Variants in METAP1 observed in about 807,000 individuals in gnomAD.
METAP1 encodes methionyl aminopeptidase 1.
In METAP1, 28 loss-of-function variants were observed where a neutral mutation model predicts 53.8. That is an observed-to-expected ratio of 0.52 (90% confidence interval 0.39 to 0.71). METAP1 has a LOEUF of 0.71. Among genes scored for constraint, METAP1 ranks in the 30% least tolerant of loss-of-function variants. METAP1 has a pLI of 0.00. For synonymous variants in METAP1, 181 were observed against 165.7 expected (o/e 1.09, Z -0.71); for missense variants, 389 against 479.8 (o/e 0.81, Z 1.77).
chr4:99,014,986 A>G (rs1723674107), intron 1 of METAP1, among the ~76,000 whole-genome samples: 1 of 152,226 alleles, frequency 6.6e-6, no homozygotes, highest in Non-Finnish European at 1.5e-5. Context: ...ACTTCAGGAT[A>G]TAGCAGAGAG....
intron 6 of METAP1, among the ~76,000 whole-genome samples, chr4:99,041,546 G>A (rs866367066): frequency 6.6e-6 from 1 of 151,984 alleles, no homozygotes; most frequent in South Asian, 2.1e-4. Flanking sequence ...TTTGTAGTAA[G>A]TATAGGGATT....
intron 1 of METAP1, chr4:99,022,861 C>T: frequency 6.5e-7 from 1 of 1,546,064 alleles, no homozygotes; most frequent in Middle Eastern, 1.9e-4. Flanking sequence ...CCCACGGCTG[C>T]TGCTGCCTTC....
In METAP1 at chr4:99,031,559, ATGGGTT is replaced by A. The variant is rs1560714643; in HGVS notation, c.166+2642_166+2647del. ...ACTGGCTCCACCAAACTTTGTGACC[ATGGGTT>A]ATTCTAAGTCTCACCTCCAAGATGC... On this transcript the variant is annotated intron_variant, in intron 2 of 10. Transcript: ENST00000296411. 7 of 1,288,240 alleles carry A rather than the reference ATGGGTT, an allele frequency of 5.4e-6. No homozygotes were observed. In the African/African-American group the frequency reaches 1.1e-4, roughly 20 times the overall value. 79.8% of individuals were successfully genotyped at this position (1,288,240 alleles called of 1,614,324 possible).
At chr4:99,026,999 C>G (rs773270802) in intron 1 of METAP1, 14 of 352,076 alleles carry the variant, frequency 4.0e-5, no homozygotes, top group South Asian at 1.1e-4. Context: ...TATCAGCCCT[C>G]TTGTTAAAAA....
intron 5 of METAP1, among the ~76,000 whole-genome samples, chr4:99,040,006 C>T (rs976517268): frequency 3.3e-5 from 5 of 152,176 alleles, no homozygotes; most frequent in African/African-American, 9.7e-5. Context: ...GGATTACAGG[C>T]GTGAGCCATT....
chr4:99,055,056 T>C (rs1726996872), intron 9 of METAP1, among the ~76,000 whole-genome samples: 1 of 151,926 alleles, frequency 6.6e-6, no homozygotes, highest in Non-Finnish European at 1.5e-5. Flanking sequence ...TTAGACTTGC[T>C]CAGAGCAGGG....
intron 1 of METAP1, chr4:99,005,952 A>T (rs1215237964): frequency 1.3e-5 from 3 of 227,180 alleles, no homozygotes; most frequent in Non-Finnish European, 2.7e-5. Context: ...AGGGATAAGA[A>T]ACTACATATT....
At chr4:99,036,944 T>C (rs1725463803) in intron 4 of METAP1, among the ~76,000 whole-genome samples, 1 of 152,054 alleles carries the variant, frequency 6.6e-6, no homozygotes, top group African/African-American at 2.4e-5. Flanking sequence ...TAAAAATACA[T>C]GGATGTCTCT....
At chr4:99,040,941 G>A (rs1276137045) in intron 5 of METAP1, 102 bp from the exon 6 acceptor site, 1 of 480,392 alleles carries the variant, frequency 2.1e-6, no homozygotes, top group African/African-American at 2.0e-5. Context: ...AATATTCAAG[G>A]GGAGATTCAT....
chr4:99,014,902 A>G (rs1723669169), intron 1 of METAP1, among the ~76,000 whole-genome samples: 1 of 152,192 alleles, frequency 6.6e-6, no homozygotes, highest in African/African-American at 2.4e-5. Context: ...TCCTGCTGTG[A>G]GAGGCATGAG....
chr4:99,043,684 C>T (rs1367268503), intron 7 of METAP1, among the ~76,000 whole-genome samples: 3 of 151,954 alleles, frequency 2.0e-5, no homozygotes, highest in Admixed American at 1.3e-4. Context: ...TAGTTTTTTT[C>T]CCCCAGAAGT....
intron 1 of METAP1, among the ~76,000 whole-genome samples, chr4:98,998,239 T>G (rs1722731888): frequency 6.6e-6 from 1 of 152,336 alleles, no homozygotes; most frequent in African/African-American, 2.4e-5. Flanking sequence ...AAATATGGGC[T>G]TGGCTGGGCA....
chr4:99,032,749 G>GA (rs1204038158), intron 2 of METAP1, among the ~76,000 whole-genome samples: 1 of 152,150 alleles, frequency 6.6e-6, no homozygotes, highest in Non-Finnish European at 1.5e-5. Context: ...CTTCATAGCT[G>GA]AAGCAGGCTC....
chr4:99,040,979 TA>T (rs1427731174), intron 5 of METAP1, 63 bp from the exon 6 acceptor site: 2 of 1,074,538 alleles, frequency 1.9e-6, no homozygotes, highest in East Asian at 5.1e-5. Flanking sequence ...AGTCAAACAG[TA>T]GAAAGGGTAT....
chr4:99,017,336 G>A (rs2110297366), intron 1 of METAP1, among the ~76,000 whole-genome samples: 1 of 152,314 alleles, frequency 6.6e-6, no homozygotes, highest in Middle Eastern at 3.4e-3. Flanking sequence ...GATATTTAAG[G>A]GCCTGACTGA....
rs1235495410 is a variant in METAP1, at chr4:99,048,889, C to A, written c.931+13C>A. 1 of 1,611,668 alleles carries A rather than the reference C, an allele frequency of 6.2e-7. No individual in the cohort carries two copies. Among genetic ancestry groups the A allele is most frequent in the Non-Finnish European group, 8.5e-7 (1 of 1,178,934 alleles). Reference sequence around the variant, plus strand: ...CCCCACTATGCTAGTAAGTACTATCCAGAGATTTGGTATAAGCTCACCATT... The same window carrying A: ...CCCCACTATGCTAGTAAGTACTATCAAGAGATTTGGTATAAGCTCACCATT... On this transcript the variant is annotated intron_variant, in intron 9 of 10. Transcript: ENST00000296411.
At chr4:99,011,455 T>G (rs976365891) in intron 1 of METAP1, among the ~76,000 whole-genome samples, 1 of 152,242 alleles carries the variant, frequency 6.6e-6, no homozygotes, top group Non-Finnish European at 1.5e-5. Flanking sequence ...TGTGATGTAT[T>G]AAATTGATTT....
intron 1 of METAP1, chr4:99,005,677 C>T (rs1723143281): frequency 2.4e-5 from 7 of 296,166 alleles, no homozygotes; most frequent in Non-Finnish European, 1.4e-5. Context: ...ACCTAAGTGT[C>T]AGCTGATGAG....
chr4:99,026,142 C>A, intron 1 of METAP1: 2 of 796,906 alleles, frequency 2.5e-6, no homozygotes, highest in Non-Finnish European at 3.0e-6. Flanking sequence ...GCATCCTTAA[C>A]TTTGGCAAAA....
Sources: allele counts gnomAD v4.1 joint callset (sites outside exome capture counted in the v4.1 genomes callset), GRCh38; gene constraint gnomAD v4.1.1; transcripts MANE v1.5; gene names NCBI Gene and HGNC (gene_info 2026-07-23, HGNC 2026-07-21).